Variants in GRID2 observed in about 807,000 individuals in gnomAD.
GRID2 encodes glutamate receptor ionotropic, delta-2.
GRID2 carries 33 observed loss-of-function variants against 114.8 expected under a neutral mutation model. The ratio of observed to expected loss-of-function variants is 0.29; its 90% CI spans 0.22 to 0.38. GRID2 has a LOEUF of 0.38. GRID2 is among the 10% of genes least tolerant of loss of function. GRID2 has a pLI of 1.00. For synonymous variants in GRID2, 505 were observed against 449.9 expected (o/e 1.12, Z -1.55); for missense variants, 1,184 against 1,257.7 (o/e 0.94, Z 0.89).
In GRID2 at chr4:93,555,930, G is replaced by C. The variant is rs192226615; in HGVS notation, c.2193+40519G>C. Among the ~76,000 whole-genome samples, 135 of 152,314 alleles carry C rather than the reference G, an allele frequency of 8.9e-4. 1 individual carries two copies. Among genetic ancestry groups the C allele is most frequent in the Admixed American group, 3.5e-3 (54 of 15,308 alleles). On this transcript the variant is annotated intron_variant, in intron 13 of 15. Transcript: ENST00000282020. ...GAAGGAACAGGCAGCAGTCTTTGCT[G>C]TTCTGCAGCCTCCACTGGTGATACC...
intron 2 of GRID2, among the ~76,000 whole-genome samples, chr4:92,680,568 A>G (rs923198447): frequency 6.6e-6 from 1 of 152,182 alleles, no homozygotes; most frequent in Non-Finnish European, 1.5e-5. Context: ...AGTAGCAACT[A>G]AACTGAATCT....
At chr4:92,649,486 C>A (rs1731819617) in intron 2 of GRID2, among the ~76,000 whole-genome samples, 1 of 151,466 alleles carries the variant, frequency 6.6e-6, no homozygotes, top group Non-Finnish European at 1.5e-5. Context: ...GAGGGCAGAT[C>A]TTTACCCCAT....
intron 13 of GRID2, among the ~76,000 whole-genome samples, chr4:93,533,715 T>C (rs1731740310): frequency 6.6e-6 from 1 of 151,720 alleles, no homozygotes; most frequent in Non-Finnish European, 1.5e-5. Context: ...TTTAAAAACA[T>C]ACAAATTTTC....
At chr4:93,795,414 A>C (rs1465002887) in intron 1 of GRID2, among the ~76,000 whole-genome samples, 4 of 152,072 alleles carry the variant, frequency 2.6e-5, no homozygotes, top group Non-Finnish European at 5.9e-5. Context: ...CCTTAATGAC[A>C]GATTTCCATT....
At chr4:92,815,717 A>C (rs1192110109) in intron 2 of GRID2, among the ~76,000 whole-genome samples, 1 of 151,732 alleles carries the variant, frequency 6.6e-6, no homozygotes, top group Non-Finnish European at 1.5e-5. Flanking sequence ...GTTCAATACC[A>C]GCCTGGGCAA....
chr4:93,310,855 A>C (rs1395014112), intron 8 of GRID2, among the ~76,000 whole-genome samples: 1 of 152,210 alleles, frequency 6.6e-6, no homozygotes, highest in Non-Finnish European at 1.5e-5. Context: ...ATTGATCTGC[A>C]AGAATTTCCT....
At chr4:92,330,376 A>G (rs183032088) in intron 1 of GRID2, among the ~76,000 whole-genome samples, 3 of 152,088 alleles carry the variant, frequency 2.0e-5, no homozygotes, top group Admixed American at 2.0e-4. Context: ...AGTGGTTTGG[A>G]TGGCTGGTTT....
intron 2 of GRID2, among the ~76,000 whole-genome samples, chr4:92,937,413 C>T (rs1578529633): frequency 6.8e-6 from 1 of 146,168 alleles, no homozygotes; most frequent in African/African-American, 2.4e-5. Flanking sequence ...TGTGGATTTC[C>T]AGTTGTTCCA....
intron 1 of GRID2, among the ~76,000 whole-genome samples, chr4:92,449,385 T>C (rs1720767722): frequency 6.6e-6 from 1 of 152,012 alleles, no homozygotes; most frequent in Admixed American, 6.6e-5. Flanking sequence ...TAAAATATGA[T>C]AGTTGAAAAT....
chr4:92,843,485 G>C (rs1054777532), intron 2 of GRID2, among the ~76,000 whole-genome samples: 4 of 151,900 alleles, frequency 2.6e-5, no homozygotes, highest in Non-Finnish European at 4.4e-5. Context: ...GTGAAAATAT[G>C]TTATTACTTA....
intron 2 of GRID2, among the ~76,000 whole-genome samples, chr4:92,748,092 C>T (rs1737244162): frequency 6.6e-6 from 1 of 152,134 alleles, no homozygotes; most frequent in Non-Finnish European, 1.5e-5. Flanking sequence ...TGGTCCTGCT[C>T]AGCCTGAGGA....
At chr4:92,517,663 CAT>C (rs1056372246) in intron 1 of GRID2, among the ~76,000 whole-genome samples, 3 of 151,854 alleles carry the variant, frequency 2.0e-5, no homozygotes, top group African/African-American at 7.2e-5. Context: ...CAGTCAGCTA[CAT>C]GAGGTAGTAG....
chr4:92,802,204 C>T (rs1346467319), intron 2 of GRID2, among the ~76,000 whole-genome samples: 5 of 151,738 alleles, frequency 3.3e-5, no homozygotes, highest in South Asian at 2.1e-4. Context: ...ATAAAGCCCC[C>T]GTCCCTACAT....
intron 1 of GRID2, among the ~76,000 whole-genome samples, chr4:92,483,839 G>T (rs1477081340): frequency 6.6e-6 from 1 of 152,152 alleles, no homozygotes; most frequent in Non-Finnish European, 1.5e-5. Context: ...GTAGCAGAAT[G>T]CCCCTGTTGG....
Position 93,481,602 on chromosome 4 carries a change from T to C in GRID2, c.1859-9037T>C, listed in dbSNP as rs556929588. ...GGAACCATAATCTTCAAAATCACTATTATTGCCATGGCCTTGCATTCCACC... is the reference window on the plus strand; with the variant it reads ...GGAACCATAATCTTCAAAATCACTACTATTGCCATGGCCTTGCATTCCACC... On this transcript the variant is annotated intron_variant, in intron 11 of 15. Coordinates refer to ENST00000282020, the MANE Select transcript of GRID2 (RefSeq NM_001510.4). 7.2e-5 allele frequency among the ~76,000 whole-genome samples: 11 copies of C among 152,206 alleles called. No homozygotes were observed. The East Asian group carries it at 2.1e-3, about 30-fold the overall frequency.
intron 2 of GRID2, among the ~76,000 whole-genome samples, chr4:92,962,631 T>G (rs1216257746): frequency 6.6e-6 from 1 of 151,850 alleles, no homozygotes; most frequent in Non-Finnish European, 1.5e-5. Flanking sequence ...TTCAAAATGG[T>G]TACTTTCTCC....
chr4:92,787,381 G>A (rs1399931895), intron 2 of GRID2, among the ~76,000 whole-genome samples: 3 of 151,872 alleles, frequency 2.0e-5, no homozygotes, highest in Non-Finnish European at 4.4e-5. Flanking sequence ...AAAGAGGTGA[G>A]GAATTTTAAA....
At chr4:93,667,242 G>T (rs1464825984) in intron 14 of GRID2, among the ~76,000 whole-genome samples, 1 of 151,940 alleles carries the variant, frequency 6.6e-6, no homozygotes, top group Non-Finnish European at 1.5e-5. Context: ...GAAACAAAAG[G>T]GAAGGCTTTT....
At chr4:93,368,530 G>A (rs1579844011) in intron 8 of GRID2, among the ~76,000 whole-genome samples, 1 of 151,960 alleles carries the variant, frequency 6.6e-6, no homozygotes, top group Non-Finnish European at 1.5e-5. Context: ...TTAGATATAT[G>A]TCCTAATGCT....
Sources: allele counts gnomAD v4.1 joint callset (sites outside exome capture counted in the v4.1 genomes callset), GRCh38; gene constraint gnomAD v4.1.1; transcripts MANE v1.5; gene names NCBI Gene and HGNC (gene_info 2026-07-23, HGNC 2026-07-21).